The following RIMBP2 variants were observed in gnomAD, a reference collection of about 807,000 sequenced individuals.
The protein encoded by RIMBP2 is RIMS binding protein 2.
In RIMBP2, 48 loss-of-function variants were observed where a neutral mutation model predicts 118.6. The ratio of observed to expected loss-of-function variants is 0.40; its 90% CI spans 0.32 to 0.51. The LOEUF (loss-of-function observed/expected upper bound fraction) is 0.51. RIMBP2 is among the 20% of genes least tolerant of loss of function. The pLI, the probability that RIMBP2 is intolerant of heterozygous loss-of-function variation, is 0.41. For missense variants in RIMBP2, 1,551 were observed against 1,768.3 expected, an observed-to-expected ratio of 0.88 and a Z score of 2.20; for synonymous variants, 762 against 742.9, an observed-to-expected ratio of 1.03 and a Z score of -0.42.
intron 1 of RIMBP2, among the ~76,000 whole-genome samples, chr12:130,644,546 T>G (rs776909595): frequency 6.6e-6 from 1 of 152,178 alleles, no homozygotes; most frequent in African/African-American, 2.4e-5. Context: ...CGAGGAGCCG[T>G]ATCATCAAGT....
chr12:130,430,659 C>T (rs1365032776), intron 14 of RIMBP2: 6 of 104,882 alleles, frequency 5.7e-5, no homozygotes, highest in African/African-American at 7.5e-5. Flanking sequence ...GAGATGGAGT[C>T]TCACCCTGTT....
At chr12:130,687,347 T>G (rs944859602) in intron 1 of RIMBP2, among the ~76,000 whole-genome samples, 6 of 152,232 alleles carry the variant, frequency 3.9e-5, no homozygotes, top group African/African-American at 1.2e-4. Context: ...GCATAACTAT[T>G]TCAGAGATGC....
At chr12:130,601,052 T>A (rs985697249) in intron 2 of RIMBP2, among the ~76,000 whole-genome samples, 1 of 152,166 alleles carries the variant, frequency 6.6e-6, no homozygotes, top group Admixed American at 6.5e-5. Context: ...GACTGCACAT[T>A]CTCTGCAAGT....
chr12:130,482,457 G>A (rs2082095618), intron 4 of RIMBP2, among the ~76,000 whole-genome samples: 1 of 152,170 alleles, frequency 6.6e-6, no homozygotes, highest in Non-Finnish European at 1.5e-5. Context: ...GGAGCAGGAT[G>A]GAGGCACCTA....
At chr12:130,414,413 CTT>C in intron 17 of RIMBP2, 107 bp from the exon 18 acceptor site, 1 of 1,157,142 alleles carries the variant, frequency 8.6e-7, no homozygotes, top group Non-Finnish European at 1.2e-6. Context: ...GGTTCCTTGA[CTT>C]TTGTCTTTTT....
intron 2 of RIMBP2, among the ~76,000 whole-genome samples, chr12:130,568,181 G>A (rs1331937998): frequency 1.3e-5 from 2 of 152,168 alleles, no homozygotes; most frequent in African/African-American, 4.8e-5. Context: ...AAGAAGGCAG[G>A]GTTTCTCATA....
intron 1 of RIMBP2, among the ~76,000 whole-genome samples, chr12:130,645,160 G>A (rs2062802209): frequency 6.6e-6 from 1 of 151,430 alleles, no homozygotes; most frequent in Non-Finnish European, 1.5e-5. Context: ...CGCAATCTTG[G>A]CTCACTGCAG....
At chr12:130,489,936 C>T (rs1022715944) in intron 4 of RIMBP2, among the ~76,000 whole-genome samples, 9 of 151,876 alleles carry the variant, frequency 5.9e-5, no homozygotes, top group Admixed American at 1.3e-4. Context: ...CCATCCTGGC[C>T]AACATGGTGA....
intron 4 of RIMBP2, among the ~76,000 whole-genome samples, chr12:130,482,641 C>A (rs2082108906): frequency 1.3e-5 from 2 of 152,260 alleles, no homozygotes. Flanking sequence ...ACCCTGCTGG[C>A]TTCTGAAGGC....
At chr12:130,513,140 T>C (rs1021722665) in intron 3 of RIMBP2, among the ~76,000 whole-genome samples, 2 of 152,180 alleles carry the variant, frequency 1.3e-5, no homozygotes, top group African/African-American at 4.8e-5. Flanking sequence ...TTCTGACCCA[T>C]GCTACAGCAT....
rs750661183 is a variant in RIMBP2 at position 130,620,979 on chromosome 12, C to T, written c.-217+7343G>A. 6.9e-4 allele frequency among the ~76,000 whole-genome samples: 105 copies of T among 152,312 alleles called. No individual in the cohort carries two copies. Among genetic ancestry groups the T allele is most frequent in the Middle Eastern group, 3.4e-3 (1 of 294 alleles). On this transcript the variant is annotated intron_variant, in intron 2 of 22. Transcript: ENST00000690449. This position sits in a 1 kb window ranked among gnomAD's most constrained non-coding sequence, Gnocchi z 5.3. ...CTGTGAGCCATCCTTGGCATGGTTA[C>T]ATTAGCCATGGGCGGGCGAGCAACC...
chr12:130,707,774 G>A (rs536291099), intron 1 of RIMBP2, among the ~76,000 whole-genome samples: 1 of 152,248 alleles, frequency 6.6e-6, no homozygotes, highest in Non-Finnish European at 1.5e-5. Context: ...AGGGGACCGA[G>A]GCGGCCCGAG....
chr12:130,634,394 T>C (rs2062211428), intron 1 of RIMBP2, among the ~76,000 whole-genome samples: 1 of 152,154 alleles, frequency 6.6e-6, no homozygotes, highest in South Asian at 2.1e-4. Context: ...TAATGTTTTC[T>C]ATGCCCTATC....
chr12:130,451,731 C>T (rs1336232516), intron 7 of RIMBP2, among the ~76,000 whole-genome samples: 1 of 152,150 alleles, frequency 6.6e-6, no homozygotes, highest in Admixed American at 6.5e-5. Flanking sequence ...GAGGACGGCG[C>T]CTGCTCACAG....
At chr12:130,633,736 C>T (rs992707321) in intron 1 of RIMBP2, 2 of 152,170 alleles carry the variant, frequency 1.3e-5, no homozygotes, top group African/African-American at 2.4e-5. Context: ...ATTGATTTCC[C>T]GTCTGTGTCT....
intron 4 of RIMBP2, among the ~76,000 whole-genome samples, chr12:130,503,457 TG>T (rs1309205216): frequency 5.3e-5 from 8 of 151,974 alleles, no homozygotes; most frequent in African/African-American, 1.9e-4. Flanking sequence ...TTCCCATATA[TG>T]GGGCAATCCA....
intron 4 of RIMBP2, among the ~76,000 whole-genome samples, chr12:130,480,883 G>A (rs1407438095): frequency 6.6e-6 from 1 of 152,236 alleles, no homozygotes; most frequent in East Asian, 1.9e-4. Context: ...TTACAGGCGT[G>A]AGCCACCGCG....
At chr12:130,459,758 G>A (rs1323001498) in intron 6 of RIMBP2, among the ~76,000 whole-genome samples, 2 of 152,034 alleles carry the variant, frequency 1.3e-5, no homozygotes, top group Non-Finnish European at 2.9e-5. Context: ...ATGGTTCCAT[G>A]GGACTCCCAG....
intron 13 of RIMBP2, among the ~76,000 whole-genome samples, chr12:130,436,200 C>T (rs189060984): frequency 6.6e-6 from 1 of 152,202 alleles, no homozygotes; most frequent in African/African-American, 2.4e-5. Flanking sequence ...CAAAAACGCA[C>T]GTCCCGTTGT....
Sources: gnomAD v4.1 joint callset for allele counts (sites outside exome capture counted in the v4.1 genomes callset) on GRCh38, gnomAD v4.1.1 for gene constraint, Gnocchi (gnomAD v3.1) non-coding constraint, MANE v1.5 for transcripts, NCBI Gene and HGNC (gene_info 2026-07-23, HGNC 2026-07-21) for gene names.